Variants in TENM2 observed in about 807,000 individuals in gnomAD.
TENM2 encodes teneurin transmembrane protein 2.
A neutral mutation model predicts 245.2 loss-of-function variants in TENM2; 52 were observed. That is an observed-to-expected ratio of 0.21 (90% CI 0.17 to 0.27). TENM2 has a LOEUF of 0.27. TENM2 is among the 10% of genes least tolerant of loss of function. The probability of loss-of-function intolerance (pLI) is 1.00; values close to 1 mark genes in which losing one functional copy is unlikely to be tolerated. For synonymous variants in TENM2, 1,363 were observed against 1,438.9 expected, an observed-to-expected ratio of 0.95 and a Z score of 1.19; for missense variants, 3,046 against 3,666.8, an observed-to-expected ratio of 0.83 and a Z score of 4.37.
exon 27 of TENM2, chr5:168,248,019 C>T (rs1766751392): frequency 5.6e-6 from 9 of 1,613,862 alleles, no homozygotes; most frequent in Non-Finnish European, 6.8e-6. Context: ...TGGAGAGCAG[C>T]AGTGGGGAGG....
At chr5:167,525,850 T>A (rs537971908) in intron 2 of TENM2, among the ~76,000 whole-genome samples, 327 of 152,262 alleles carry the variant, frequency 2.1e-3, no homozygotes, top group African/African-American at 7.3e-3. Flanking sequence ...CTAACGACTA[T>A]CTTCATTTGT....
chr5:167,545,853 C>T (rs757151722), intron 2 of TENM2, among the ~76,000 whole-genome samples: 31 of 152,274 alleles, frequency 2.0e-4, no homozygotes, highest in Middle Eastern at 3.4e-3. Context: ...TTTGACCATA[C>T]GTACAGACTT....
chr5:168,174,797 AG>A (rs921602554), intron 13 of TENM2, among the ~76,000 whole-genome samples: 2 of 152,180 alleles, frequency 1.3e-5, no homozygotes, highest in African/African-American at 4.8e-5. Context: ...GGGTTCACTG[AG>A]GTCCTTTCCA....
intron 2 of TENM2, among the ~76,000 whole-genome samples, chr5:167,612,621 T>A (rs1777549236): frequency 6.6e-6 from 1 of 152,192 alleles, no homozygotes; most frequent in Non-Finnish European, 1.5e-5. Context: ...ATAGCTGTCA[T>A]TTTTACACCC....
the TENM2 span, among the ~76,000 whole-genome samples, chr5:166,992,152 A>G: frequency 1.3e-5 from 2 of 151,972 alleles, no homozygotes; most frequent in Admixed American, 1.3e-4. Flanking sequence ...AAATCATGCT[A>G]TAGATAAAAG....
the TENM2 span, among the ~76,000 whole-genome samples, chr5:167,264,521 C>T: frequency 1.3e-5 from 2 of 152,126 alleles, no homozygotes; most frequent in Non-Finnish European, 2.9e-5. Flanking sequence ...GGCTGTTTTC[C>T]CATGGAGATT....
chr5:168,040,885 C>T lies in TENM2; in HGVS notation c.1187-6542C>T, dbSNP rs189530281. On this transcript the variant is annotated intron_variant, in intron 5 of 28. Transcript: ENST00000518659. Reference sequence around the variant, plus strand: ...TGGCCTGACTGGCAATTGAAGTTGCCGAGCAGATTTATTTTACGTTGACAA... The same window carrying T: ...TGGCCTGACTGGCAATTGAAGTTGCTGAGCAGATTTATTTTACGTTGACAA... Among the ~76,000 whole-genome samples the T allele has an allele frequency of 2.0e-5, 3 of 152,184 alleles. No homozygotes were observed. In the East Asian group the frequency reaches 5.8e-4, roughly 29 times the overall value.
intron 27 of TENM2, among the ~76,000 whole-genome samples, chr5:168,249,213 C>T (rs1402727761): frequency 6.6e-6 from 1 of 151,768 alleles, no homozygotes; most frequent in East Asian, 1.9e-4. Flanking sequence ...TTAACATTGT[C>T]ATTACTAGAG....
the TENM2 span, among the ~76,000 whole-genome samples, chr5:167,166,535 A>G: frequency 6.6e-6 from 1 of 152,212 alleles, no homozygotes; most frequent in Non-Finnish European, 1.5e-5. Flanking sequence ...AAGAATGTAT[A>G]TATGGAAGGG....
chr5:167,921,408 T>C (rs1010757967), intron 3 of TENM2, among the ~76,000 whole-genome samples: 1 of 152,200 alleles, frequency 6.6e-6, no homozygotes, highest in Non-Finnish European at 1.5e-5. Context: ...ATGGGAAAAC[T>C]GTGTAGTGAT....
chr5:168,176,874 G>A (rs1014833761), intron 13 of TENM2, among the ~76,000 whole-genome samples: 8 of 152,184 alleles, frequency 5.3e-5, no homozygotes, highest in Non-Finnish European at 8.8e-5. Flanking sequence ...ACTATATACC[G>A]CTGATATCGT....
chr5:167,895,686 A>C (rs1775161020), intron 3 of TENM2, among the ~76,000 whole-genome samples: 1 of 152,210 alleles, frequency 6.6e-6, no homozygotes, highest in Non-Finnish European at 1.5e-5. Flanking sequence ...GGATCCAAAA[A>C]TTTGCATTTC....
At chr5:167,269,272 A>T in the TENM2 span, among the ~76,000 whole-genome samples, 1 of 151,974 alleles carries the variant, frequency 6.6e-6, no homozygotes, top group Non-Finnish European at 1.5e-5. Flanking sequence ...TTTTTTTGAG[A>T]TGTCTTGTAA....
rs1484050609 is a variant in TENM2, at chr5:168,262,239, T to C, written c.7754T>C (p.Val2585Ala). 5.0e-6 allele frequency: 8 copies of C among 1,605,444 alleles called. No individual in the cohort carries two copies. In the East Asian group the frequency reaches 9.0e-5, roughly 18 times the overall value. Residue 2585 changes from valine to alanine, a missense_variant, in exon 29 of 29, where the codon GTG (valine) becomes GCG (alanine). By Grantham distance (64) the Val-to-Ala change is moderately conservative (BLOSUM62 0). Around this residue, in one of 2 missense-constraint regions of TENM2, gnomAD observed 2,704 missense variants for 3,331.9 expected, o/e 0.81. Coordinates refer to ENST00000518659, the Ensembl canonical transcript of TENM2. ...AAAGAAGGGCGGGTGACCACGGGCG[T>C]GTCCAGCATCGCCAGCGAAGATAGC...
At chr5:167,830,807 T>A (rs536305123) in intron 2 of TENM2, among the ~76,000 whole-genome samples, 18 of 152,254 alleles carry the variant, frequency 1.2e-4, no homozygotes, top group African/African-American at 3.6e-4. Flanking sequence ...CCAACCTCAG[T>A]TTCTCACTCA....
chr5:167,961,578 C>T (rs1781015748), intron 4 of TENM2, among the ~76,000 whole-genome samples: 1 of 152,080 alleles, frequency 6.6e-6, no homozygotes, highest in South Asian at 2.1e-4. Flanking sequence ...AAGAAGAGGA[C>T]CACCATGACC....
At chr5:167,913,486 C>G (rs935843969) in intron 3 of TENM2, among the ~76,000 whole-genome samples, 1 of 152,144 alleles carries the variant, frequency 6.6e-6, no homozygotes, top group Non-Finnish European at 1.5e-5. Flanking sequence ...AGAAAAAAAG[C>G]AACATGTTCC....
At chr5:167,942,265 C>T (rs1779246553) in intron 3 of TENM2, among the ~76,000 whole-genome samples, 1 of 152,156 alleles carries the variant, frequency 6.6e-6, no homozygotes, top group South Asian at 2.1e-4. Flanking sequence ...TAAATGCTGA[C>T]ATTTCCTGAG....
At chr5:168,122,285 T>C (rs940444755) in intron 10 of TENM2, among the ~76,000 whole-genome samples, 4 of 152,212 alleles carry the variant, frequency 2.6e-5, no homozygotes, top group Non-Finnish European at 2.9e-5. Flanking sequence ...CACACCATAC[T>C]CCTGCCTCAG....
Sources: allele counts gnomAD v4.1 joint callset (sites outside exome capture counted in the v4.1 genomes callset), GRCh38; gene constraint gnomAD v4.1.1; regional missense constraint gnomAD v4.1.1; transcripts MANE v1.5; gene names NCBI Gene and HGNC (gene_info 2026-07-23, HGNC 2026-07-21).